The following RTN4 variants were observed in gnomAD, a reference collection of about 807,000 sequenced individuals.
RTN4 encodes the protein reticulon-4.
Under a neutral mutation model 90.4 loss-of-function variants are expected in RTN4, and 32 were observed. The observed-to-expected ratio is 0.35, with a 90% CI of 0.27 to 0.48. The LOEUF (loss-of-function observed/expected upper bound fraction) is 0.48. Among genes scored for constraint, RTN4 ranks in the 20% least tolerant of loss-of-function variants. The pLI is 0.99. For missense variants in RTN4, 1,706 were observed against 1,430.2 expected (o/e 1.19, Z -3.11); for synonymous variants, 629 against 552.5 (o/e 1.14, Z -1.94).
upstream of RTN4, among the ~76,000 whole-genome samples, chr2:55,117,164 G>C (rs544733088): frequency 3.9e-5 from 6 of 152,206 alleles, no homozygotes; most frequent in Admixed American, 3.3e-4. Flanking sequence ...GTGAGCCACC[G>C]CACCCGGCCA....
chr2:55,137,762 C>A, the RTN4 span, among the ~76,000 whole-genome samples: 56 of 152,264 alleles, frequency 3.7e-4, no homozygotes, highest in East Asian at 0.011. Context: ...CCTGAAATCT[C>A]ATTTCCCTTC....
chr2:55,028,054 CG>C, intron 2 of RTN4, 109 bp downstream of exon 2: 1 of 894,396 alleles, frequency 1.1e-6, no homozygotes, highest in Non-Finnish European at 1.6e-6. Context: ...AAAACATTCT[CG>C]GAACCATGCT....
chr2:55,050,070 G>A lies in RTN4; in HGVS notation c.231C>T (p.Pro77=), dbSNP rs771511919. 2 of 1,448,026 alleles carry A rather than the reference G, an allele frequency of 1.4e-6. No individual in the cohort carries two copies. The highest frequency in any genetic ancestry group is 2.8e-5 in the South Asian group (2 of 72,000). 89.7% of individuals were successfully genotyped at this position (1,448,026 alleles called of 1,614,324 possible). ...CGAAGTCATTTCCGAAGTCCATCAG[G>A]GGCGCGCCGGCGGCAGGGGCGGTGG... ...PVPTAPAAGA[P]LMDFGNDFVP... Residue 77 remains proline (P), a synonymous_variant, in exon 1 of 9, where the codon CCC becomes CCT. Coordinates refer to ENST00000337526, the MANE Select transcript of RTN4 (RefSeq NM_020532.5). The surrounding 1 kb of genome is among the most constrained non-coding windows in gnomAD (Gnocchi z 4.6).
At chr2:55,112,156 G>C (rs1443012686) in intron 1 of RTN4, among the ~76,000 whole-genome samples, 1 of 152,176 alleles carries the variant, frequency 6.6e-6, no homozygotes, top group African/African-American at 2.4e-5. Flanking sequence ...GACTATATGA[G>C]GCCTACCTTC....
the RTN4 span, among the ~76,000 whole-genome samples, chr2:55,133,703 C>G: frequency 3.9e-5 from 6 of 152,112 alleles, no homozygotes. Flanking sequence ...ATAAATAGCT[C>G]TCACCGTCCT....
At position 55,025,749 on chromosome 2, in the gene RTN4, T is replaced by G; in HGVS notation, c.2350A>C (p.Asn784His). 2 of 1,613,526 alleles carry G rather than the reference T, an allele frequency of 1.2e-6. No individual in the cohort carries two copies. The highest frequency in any genetic ancestry group is 1.7e-6 in the Non-Finnish European group (2 of 1,179,766). The change falls in exon 3 of 9, where the codon AAT becomes CAT. Residue 784 changes from asparagine (N) to histidine (H), a missense_variant. Coordinates refer to ENST00000337526, the MANE Select transcript of RTN4 (RefSeq NM_020532.5). ...GGCAAAGCACTGAGTTTTTCCTTATTTTCATATTCTATCATTGACTCAAAT... is the reference window on the plus strand; with the variant it reads ...GGCAAAGCACTGAGTTTTTCCTTATGTTCATATTCTATCATTGACTCAAAT... ...TSFESMIEYENKEKLSALPPE... is the reference protein window; with the variant it reads ...TSFESMIEYEHKEKLSALPPE...
In RTN4 at chr2:54,972,306, T is replaced by TAAA; in HGVS notation, c.*849_*850insTTT. On this transcript the variant is annotated 3_prime_UTR_variant, in exon 9 of 9. Coordinates refer to ENST00000337526, the MANE Select transcript of RTN4 (RefSeq NM_020532.5). ...TAAATCTTCATTTTGTAATTAATAA[T>TAAA]TTCTTGCATAACAATGTTTGATATT... 6.6e-6 allele frequency: 1 copy of TAAA among 152,632 alleles called. No individual in the cohort carries two copies. The highest frequency in any genetic ancestry group is 2.4e-5 in the African/African-American group (1 of 41,426). The allele number at this position is 152,632 out of a possible 1,614,324, so 9.5% of individuals were successfully genotyped here. A position where few individuals can be genotyped will look rare whatever the true frequency, so the allele number is the denominator to read the frequency against.
chr2:55,083,994 T>G (rs559039179), intron 1 of RTN4, among the ~76,000 whole-genome samples: 1 of 152,340 alleles, frequency 6.6e-6, no homozygotes, highest in South Asian at 2.1e-4. Flanking sequence ...GAGGTGACTC[T>G]TCATGGGTTT....
chr2:54,979,713 C>T (rs925548565), intron 5 of RTN4, among the ~76,000 whole-genome samples: 1 of 152,160 alleles, frequency 6.6e-6, no homozygotes, highest in Non-Finnish European at 1.5e-5. Context: ...AAGGGCTTTA[C>T]CTTTCATGGG....
intron 1 of RTN4, among the ~76,000 whole-genome samples, chr2:55,100,100 T>C (rs1667826372): frequency 6.6e-6 from 1 of 152,154 alleles, no homozygotes; most frequent in Non-Finnish European, 1.5e-5. Context: ...ATTAGAACAT[T>C]TCCTGTAAAG....
rs372031842 is a variant in RTN4 at position 54,987,811 on chromosome 2, TAAAG to T, written c.3014-117_3014-114del. On this transcript the variant is annotated intron_variant, in intron 3 of 8. Coordinates refer to ENST00000337526, the MANE Select transcript of RTN4 (RefSeq NM_020532.5). ...TAAAGTAAAATCAAACCTAAAAATTTAAAGAAACACTAAGTTAAAGAAACACTAA... is the reference window on the plus strand; with the variant it reads ...TAAAGTAAAATCAAACCTAAAAATTTAAACACTAAGTTAAAGAAACACTAA... 346 of 816,660 alleles carry T rather than the reference TAAAG, an allele frequency of 4.2e-4. 1 individual carries two copies. The African/African-American group carries it at 5.1e-3, about 12-fold the overall frequency. 50.6% of individuals were successfully genotyped at this position (816,660 alleles called of 1,614,324 possible).
chr2:54,982,609 T>C lies in RTN4; in HGVS notation c.3266A>G (p.Gln1089Arg), dbSNP rs760229268. ...SEVAISEELVQKYSNSALGHV... is the reference protein window; with the variant it reads ...SEVAISEELVRKYSNSALGHV... Reference sequence around the variant, plus strand: ...ACCAAGAGCAGAATTACTGTACTTCTGAACCAACTCCTCAGATATAGCAAC... The same window carrying C: ...ACCAAGAGCAGAATTACTGTACTTCCGAACCAACTCCTCAGATATAGCAAC... The change falls in exon 5 of 9, where the codon CAG becomes CGG. Residue 1089 changes from glutamine (Q) to arginine (R), a missense_variant. Transcript: ENST00000337526. The C allele has an allele frequency of 1.9e-6, 3 of 1,613,558 alleles. No individual in the cohort carries two copies. Among genetic ancestry groups the C allele is most frequent in the South Asian group, 2.2e-5 (2 of 90,918 alleles).
At position 54,972,722 on chromosome 2, in the gene RTN4, TAAAC is replaced by T. The variant is rs552242458; in HGVS notation, c.*430_*433del. 22 of 155,476 alleles carry T rather than the reference TAAAC, an allele frequency of 1.4e-4. No homozygotes were observed. The highest frequency in any genetic ancestry group is 3.3e-4 in the Admixed American group (5 of 15,378). 9.6% of individuals were successfully genotyped at this position (155,476 alleles called of 1,614,324 possible). On this transcript the variant is annotated 3_prime_UTR_variant, in exon 9 of 9. Transcript: ENST00000337526. ...CCTGCTTTACCGGTATGATCTCGTC[TAAAC>T]AAACATTTCATTTCAGAAAATCTGC...
At chr2:55,097,592 C>G (rs899771563) in intron 1 of RTN4, among the ~76,000 whole-genome samples, 1 of 152,086 alleles carries the variant, frequency 6.6e-6, no homozygotes, top group African/African-American at 2.4e-5. Context: ...CTTCAGGAGG[C>G]CTCGAAGAGG....
intron 5 of RTN4, among the ~76,000 whole-genome samples, chr2:54,981,521 A>T (rs1678126595): frequency 6.6e-6 from 1 of 152,212 alleles, no homozygotes; most frequent in Non-Finnish European, 1.5e-5. Context: ...CTGCAGAGTC[A>T]CAGGAAAGAG....
intron 3 of RTN4, among the ~76,000 whole-genome samples, chr2:54,997,598 C>T (rs1679531935): frequency 6.6e-6 from 1 of 152,096 alleles, no homozygotes; most frequent in Non-Finnish European, 1.5e-5. Flanking sequence ...AGACAGACAA[C>T]CCAAATGTCT....
the RTN4 span, among the ~76,000 whole-genome samples, chr2:55,134,877 G>C: frequency 1.3e-5 from 2 of 152,192 alleles, no homozygotes; most frequent in Admixed American, 6.5e-5. Context: ...CTTCACTAGA[G>C]GGTCTAGATC....
intron 3 of RTN4, among the ~76,000 whole-genome samples, chr2:55,017,889 G>A (rs1387128503): frequency 6.6e-6 from 1 of 152,132 alleles, no homozygotes; most frequent in African/African-American, 2.4e-5. Context: ...TATGATAAAA[G>A]CAGTAGCACC....
At chr2:54,981,503 C>A (rs1234070957) in intron 5 of RTN4, among the ~76,000 whole-genome samples, 1 of 152,080 alleles carries the variant, frequency 6.6e-6, no homozygotes, top group Non-Finnish European at 1.5e-5. Context: ...AACAAGTCTG[C>A]CTGTTTTCTG....
Sources: gnomAD v4.1 joint callset for allele counts (sites outside exome capture counted in the v4.1 genomes callset) on GRCh38, gnomAD v4.1.1 for gene constraint, Gnocchi (gnomAD v3.1) non-coding constraint, MANE v1.5 for transcripts, NCBI Gene and HGNC (gene_info 2026-07-23, HGNC 2026-07-21) for gene names.